The following PPIP5K2 variants were observed in gnomAD, a reference collection of about 807,000 sequenced individuals.
PPIP5K2 encodes the protein inositol hexakisphosphate and diphosphoinositol-pentakisphosphate kinase 2.
A neutral mutation model predicts 154.6 loss-of-function variants in PPIP5K2; 105 were observed. That is an observed-to-expected ratio of 0.68 (90% CI 0.58 to 0.80). The LOEUF (loss-of-function observed/expected upper bound fraction) is 0.80. Ranked by LOEUF, PPIP5K2 falls within the 30% of genes least tolerant of loss-of-function variation. The probability of loss-of-function intolerance (pLI) is 0.00; values close to 1 mark genes in which losing one functional copy is unlikely to be tolerated. For missense variants in PPIP5K2, 992 were observed against 1,504.6 expected (o/e 0.66, Z 5.64); for synonymous variants, 480 against 490.3 (o/e 0.98, Z 0.28).
At chr5:103,183,195 T>G in intron 24 of PPIP5K2, 39 bp from the exon 25 acceptor site, 1 of 859,352 alleles carries the variant, frequency 1.2e-6, no homozygotes. Context: ...TTTTTTTTTT[T>G]TTTTTTTTTT....
At chr5:103,162,194 A>G (rs1796372984) in intron 17 of PPIP5K2, among the ~76,000 whole-genome samples, 1 of 152,030 alleles carries the variant, frequency 6.6e-6, no homozygotes, top group South Asian at 2.1e-4. Flanking sequence ...TTGAATGAGG[A>G]CAAGTCTCTT....
At chr5:103,189,192 G>A in intron 28 of PPIP5K2, 1 of 1,531,576 alleles carries the variant, frequency 6.5e-7, no homozygotes. Context: ...ATAGGTGCTG[G>A]TCCGTTTCCT....
chr5:103,184,812 CT>C, intron 26 of PPIP5K2, 68 bp downstream of exon 26: 1 of 1,257,446 alleles, frequency 8.0e-7, no homozygotes, highest in East Asian at 2.4e-5. Flanking sequence ...ACATGTAAAA[CT>C]CTTTGGTGAA....
At chr5:103,161,317 C>A (rs1426750835) in intron 17 of PPIP5K2, among the ~76,000 whole-genome samples, 2 of 152,152 alleles carry the variant, frequency 1.3e-5, no homozygotes, top group East Asian at 3.8e-4. Context: ...GCATAGTATT[C>A]CATGGTGTAT....
chr5:103,206,098 G>C lies in PPIP5K2; in HGVS notation c.*4464G>C, dbSNP rs1803500436. 6.6e-6 allele frequency: 1 copy of C among 152,116 alleles called. No individual in the cohort carries two copies. The highest frequency in any genetic ancestry group is 1.5e-5 in the Non-Finnish European group (1 of 68,034). The allele number at this position is 152,116 out of a possible 1,614,324, so 9.4% of individuals were successfully genotyped here. On this transcript the variant is annotated 3_prime_UTR_variant, in exon 31 of 31. Coordinates refer to ENST00000358359, the MANE Select transcript of PPIP5K2 (RefSeq NM_001276277.3). The stretch of plus-strand genomic sequence containing the variant: ...TCTGTAACAATACTTTCCACTGCAA[G>C]TAGGAAAATTCCAATTGAAACTGGT...
chr5:103,196,483 G>A (rs1208992131), intron 30 of PPIP5K2, among the ~76,000 whole-genome samples: 1 of 152,086 alleles, frequency 6.6e-6, no homozygotes, highest in African/African-American at 2.4e-5. Flanking sequence ...CATTTGTATA[G>A]TTCTTTATAT....
intron 5 of PPIP5K2, 80 bp downstream of exon 5, chr5:103,138,549 A>G (rs1013425422): frequency 6.2e-6 from 5 of 810,554 alleles, no homozygotes; most frequent in Non-Finnish European, 7.9e-6. Flanking sequence ...AATTAACTGG[A>G]AGGAATTTAA....
At chr5:103,142,502 C>G (rs903522925) in intron 5 of PPIP5K2, among the ~76,000 whole-genome samples, 3 of 152,236 alleles carry the variant, frequency 2.0e-5, no homozygotes, top group Non-Finnish European at 4.4e-5. Flanking sequence ...AGCGGCGGGA[C>G]GAAGGGCTCC....
intron 2 of PPIP5K2, 35 bp from the exon 3 acceptor site, chr5:103,133,418 A>C (rs371558566): frequency 6.9e-6 from 11 of 1,588,100 alleles, no homozygotes; most frequent in African/African-American, 1.4e-5. Flanking sequence ...GTTCATGTAA[A>C]GTTAACCCGA....
chr5:103,186,562 C>T lies in PPIP5K2; in HGVS notation c.3289+123C>T. On this transcript the variant is annotated intron_variant, in intron 27 of 30. Coordinates refer to ENST00000358359, the MANE Select transcript of PPIP5K2 (RefSeq NM_001276277.3). ...CGAGTGAAATCCTGTCATCTTTTGC[C>T]TAAATGACTATCAGTGCTCTCTGTT... is the stretch of plus-strand genomic sequence containing the variant. 6 of 1,353,326 alleles carry T rather than the reference C, an allele frequency of 4.4e-6. No individual in the cohort carries two copies. The Middle Eastern group carries it at 6.5e-4, about 146-fold the overall frequency. The allele number at this position is 1,353,326 out of a possible 1,614,324, so 83.8% of individuals were successfully genotyped here.
intron 24 of PPIP5K2, among the ~76,000 whole-genome samples, chr5:103,181,420 T>A (rs782100089): frequency 4.0e-5 from 6 of 151,828 alleles, no homozygotes; most frequent in Non-Finnish European, 8.8e-5. Context: ...ATATAAAAAT[T>A]AGCTGGGCTT....
Position 103,151,321 on chromosome 5 carries a change from C to T in PPIP5K2, c.975C>T (p.Phe325=), listed in dbSNP as rs781944916. Residue 325 remains phenylalanine, a synonymous_variant, in exon 9 of 31, where the codon TTC becomes TTT. Coordinates refer to ENST00000358359, the MANE Select transcript of PPIP5K2 (RefSeq NM_001276277.3). Reference sequence around the variant, plus strand: ...CCTATGTCTGTGATGTCAATGGCTTCAGTTTTGTGAAAAATTCCATGAAGT... The same window carrying T: ...CCTATGTCTGTGATGTCAATGGCTTTAGTTTTGTGAAAAATTCCATGAAGT... ...GQSYVCDVNG[F]SFVKNSMKYY... The T allele has an allele frequency of 3.1e-6, 5 of 1,611,070 alleles. No homozygotes were observed. The highest frequency in any genetic ancestry group is 3.3e-5 in the Admixed American group (2 of 59,960).
At chr5:103,162,746 A>G (rs1383508529) in intron 17 of PPIP5K2, among the ~76,000 whole-genome samples, 1 of 151,976 alleles carries the variant, frequency 6.6e-6, no homozygotes, top group Non-Finnish European at 1.5e-5. Flanking sequence ...ATGCATTTTA[A>G]TATATTGTTT....
In PPIP5K2 at chr5:103,129,576, C is replaced by A. The variant is rs2149453761; in HGVS notation, c.-14C>A. ...TAAATCATTTCAATTATATCTACAT[C>A]AAATAAAATAAAAATGAGTGAAGCC... On this transcript the variant is annotated 5_prime_UTR_variant, in exon 2 of 31. Transcript: ENST00000358359. 6.4e-7 allele frequency: 1 copy of A among 1,559,006 alleles called. No individual in the cohort carries two copies. Among genetic ancestry groups the A allele is most frequent in the South Asian group, 1.2e-5 (1 of 83,164 alleles).
intron 9 of PPIP5K2, among the ~76,000 whole-genome samples, chr5:103,151,768 G>A (rs1794678875): frequency 6.6e-6 from 1 of 151,942 alleles, no homozygotes; most frequent in Non-Finnish European, 1.5e-5. Flanking sequence ...TAGAATTCAT[G>A]ACTCTTTTGC....
chr5:103,145,051 C>G (rs1318837323), intron 5 of PPIP5K2, among the ~76,000 whole-genome samples: 1 of 151,800 alleles, frequency 6.6e-6, no homozygotes, highest in African/African-American at 2.4e-5. Flanking sequence ...GAAGCTCAAA[C>G]AGCTCTATAG....
chr5:103,206,891 G>T lies in PPIP5K2; in HGVS notation c.*5257G>T, dbSNP rs1420660546. ...CATCTTATGGACCTCAAGGACTGCG[G>T]ACAGGGAGCAGGGAAGGGTTAGAAG... is the stretch of plus-strand genomic sequence containing the variant. On this transcript the variant is annotated 3_prime_UTR_variant, in exon 31 of 31. Coordinates refer to ENST00000358359, the MANE Select transcript of PPIP5K2 (RefSeq NM_001276277.3). The T allele has an allele frequency of 6.6e-6, 1 of 152,336 alleles. No homozygotes were observed. Among genetic ancestry groups the T allele is most frequent in the Non-Finnish European group, 1.5e-5 (1 of 68,136 alleles). The allele number at this position is 152,336 out of a possible 1,614,324, so 9.4% of individuals were successfully genotyped here.
At chr5:103,169,582 T>G (rs1180354475) in intron 19 of PPIP5K2, among the ~76,000 whole-genome samples, 1 of 151,766 alleles carries the variant, frequency 6.6e-6, no homozygotes, top group Non-Finnish European at 1.5e-5. Flanking sequence ...GAAAGAGAAC[T>G]ATATATTTGA....
chr5:103,152,874 T>G, intron 10 of PPIP5K2, 125 bp downstream of exon 10: 1 of 602,416 alleles, frequency 1.7e-6, no homozygotes, highest in African/African-American at 1.9e-5. Flanking sequence ...TGATTCAGCT[T>G]GAAGATAGAG....
Sources: gnomAD v4.1 joint callset for allele counts (sites outside exome capture counted in the v4.1 genomes callset) on GRCh38, gnomAD v4.1.1 for gene constraint, MANE v1.5 for transcripts, NCBI Gene and HGNC (gene_info 2026-07-23, HGNC 2026-07-21) for gene names.